CIT: variants seen among roughly 807,000 people sequenced by gnomAD.
The protein encoded by CIT is citron Rho-interacting kinase.
In CIT, 79 loss-of-function variants were observed where a neutral mutation model predicts 272.7. The ratio of observed to expected loss-of-function variants is 0.29; its 90% CI spans 0.24 to 0.35. The LOEUF is 0.35. Ranked by LOEUF, CIT falls within the 10% of genes least tolerant of loss-of-function variation. The probability of loss-of-function intolerance (pLI) is 1.00; values close to 1 mark genes in which losing one functional copy is unlikely to be tolerated. For missense variants in CIT, 1,909 were observed against 2,618.3 expected, an observed-to-expected ratio of 0.73 and a Z score of 5.91; for synonymous variants, 948 against 995.6, an observed-to-expected ratio of 0.95 and a Z score of 0.90.
At chr12:119,835,553 G>A (rs1721686875) in intron 5 of CIT, among the ~76,000 whole-genome samples, 1 of 152,166 alleles carries the variant, frequency 6.6e-6, no homozygotes, top group Middle Eastern at 3.4e-3. Flanking sequence ...AAATGTCTTG[G>A]AAGTTGTCTC....
In CIT at chr12:119,850,223, C is replaced by T; in HGVS notation, c.467G>A (p.Trp156Ter). ...AAAGGCATACTGTAATTGGGGGATC[C>T]ACGGGCTTGTGCTTCGAGATAATAT... ...RNILSRSTSPWIPQLQYAFQD... is the reference protein window; with the variant it reads ...RNILSRSTSP Residue 156 changes from tryptophan (W) to a stop codon, truncating the protein, a stop_gained, in exon 5 of 48, where the codon TGG becomes TAG. Coordinates refer to ENST00000392521, the MANE Select transcript of CIT (RefSeq NM_001206999.2). LOFTEE classifies it high-confidence loss of function. The T allele has an allele frequency of 6.2e-7, 1 of 1,613,536 alleles. No individual in the cohort carries two copies. Among genetic ancestry groups the T allele is most frequent in the Non-Finnish European group, 8.5e-7 (1 of 1,179,764 alleles).
At position 119,686,686 on chromosome 12, in the gene CIT, C is replaced by T. The variant is rs1223904415; in HGVS notation, c.*1546G>A. 6.6e-6 allele frequency: 1 copy of T among 152,330 alleles called. No homozygotes were observed. The highest frequency in any genetic ancestry group is 1.5e-5 in the Non-Finnish European group (1 of 68,066). 9.4% of individuals were successfully genotyped at this position (152,330 alleles called of 1,614,324 possible). ...GCGGGCCTAAGAGTCGTGGAGGACC[C>T]AAAGCAACAGATGCCTTGTGGGAGA... On this transcript the variant is annotated 3_prime_UTR_variant, in exon 48 of 48. Transcript: ENST00000392521.
At position 119,806,299 on chromosome 12, in the gene CIT, T is replaced by A. The variant is rs545154728; in HGVS notation, c.1112-2910A>T. Among the ~76,000 whole-genome samples the A allele has an allele frequency of 3.9e-5, 6 of 152,160 alleles. No individual in the cohort carries two copies. In the East Asian group the frequency reaches 7.7e-4, roughly 20 times the overall value. ...GGAAAGTTTGAAAAGAAGGGCTTCTTAGGGCCACATTCAGGCAGAGGAAAA... is the reference window on the plus strand; with the variant it reads ...GGAAAGTTTGAAAAGAAGGGCTTCTAAGGGCCACATTCAGGCAGAGGAAAA... On this transcript the variant is annotated intron_variant, in intron 9 of 47. Coordinates refer to ENST00000392521, the MANE Select transcript of CIT (RefSeq NM_001206999.2).
At chr12:119,851,629 A>G (rs893698121) in intron 4 of CIT, among the ~76,000 whole-genome samples, 4 of 152,264 alleles carry the variant, frequency 2.6e-5, no homozygotes, top group Admixed American at 2.0e-4. Context: ...TTTAAGTATA[A>G]AACTAGTGAC....
chr12:119,770,708 A>C lies in CIT; in HGVS notation c.2208+77T>G. Reference sequence around the variant, plus strand: ...GATACCTCCCTTATTGTGGCGGTTAATTCTTCTTCTTACCCCCTTCCCTTT... The same window carrying C: ...GATACCTCCCTTATTGTGGCGGTTACTTCTTCTTCTTACCCCCTTCCCTTT... On this transcript the variant is annotated intron_variant, in intron 18 of 47. Transcript: ENST00000392521. The surrounding 1 kb of genome is among the most constrained non-coding windows in gnomAD (Gnocchi z 4.4). 6.4e-7 allele frequency: 1 copy of C among 1,553,254 alleles called. No individual in the cohort carries two copies. Among genetic ancestry groups the C allele is most frequent in the Non-Finnish European group, 8.8e-7 (1 of 1,134,572 alleles).
intron 10 of CIT, among the ~76,000 whole-genome samples, chr12:119,789,901 A>T (rs1348948553): frequency 6.6e-6 from 1 of 151,148 alleles, no homozygotes; most frequent in East Asian, 2.0e-4. Flanking sequence ...ATTCTAGTAC[A>T]GATGGGGTTT....
chr12:119,876,662 A>G (rs1203226373), intron 1 of CIT, among the ~76,000 whole-genome samples: 2 of 152,226 alleles, frequency 1.3e-5, no homozygotes, highest in East Asian at 1.9e-4. Context: ...AGAAGCCACC[A>G]TTTGACCCAA....
intron 9 of CIT, among the ~76,000 whole-genome samples, chr12:119,807,168 C>G (rs1358850224): frequency 6.6e-6 from 1 of 152,176 alleles, no homozygotes; most frequent in African/African-American, 2.4e-5. Context: ...GATTCATGTG[C>G]ACACCACAGT....
rs1956335147 is a variant in CIT, at chr12:119,698,173, C to T, written c.5624-119G>A. ...ATCCTGTGTAAAGCAACTCACCCAA[C>T]AAATACATATCTATGCGCCAGAACA... is the stretch of plus-strand genomic sequence containing the variant. On this transcript the variant is annotated intron_variant, in intron 44 of 47. Transcript: ENST00000392521. The T allele has an allele frequency of 7.2e-6, 6 of 837,400 alleles. No individual in the cohort carries two copies. The Admixed American group carries it at 7.3e-5, about 10-fold the overall frequency. The allele number at this position is 837,400 out of a possible 1,614,324, so 51.9% of individuals were successfully genotyped here. A position where few individuals can be genotyped will look rare whatever the true frequency, so the allele number is the denominator to read the frequency against.
intron 5 of CIT, among the ~76,000 whole-genome samples, chr12:119,849,209 T>C (rs1188528995): frequency 6.6e-6 from 1 of 152,138 alleles, no homozygotes; most frequent in African/African-American, 2.4e-5. Flanking sequence ...GGTGGATCAT[T>C]TGAGGTCAGG....
At chr12:119,818,551 G>A (rs1007908287) in intron 9 of CIT, among the ~76,000 whole-genome samples, 2 of 152,180 alleles carry the variant, frequency 1.3e-5, no homozygotes, top group Non-Finnish European at 2.9e-5. Context: ...CTATCTCAGC[G>A]TTTCATCAGC....
At chr12:119,751,970 G>A in intron 23 of CIT, 80 bp downstream of exon 23, 2 of 1,245,464 alleles carry the variant, frequency 1.6e-6, no homozygotes, top group Admixed American at 2.4e-5. Context: ...CTAAGGGTGA[G>A]CCAGTATACT....
At chr12:119,803,469 T>C in intron 9 of CIT, 80 bp from the exon 10 acceptor site, 1 of 1,064,420 alleles carries the variant, frequency 9.4e-7, no homozygotes, top group Non-Finnish European at 1.3e-6. Context: ...GAGAAGATCG[T>C]CTTACTCCTT....
Position 119,859,377 on chromosome 12 carries a change from A to G in CIT, c.239-1679T>C, listed in dbSNP as rs138517357. Among the ~76,000 whole-genome samples, 48 of 152,360 alleles carry G rather than the reference A, an allele frequency of 3.2e-4. 1 individual carries two copies. Among genetic ancestry groups the G allele is most frequent in the African/African-American group, 1.1e-3 (44 of 41,596 alleles). ...CAGATAAGGTTAGGAGCTACATTCCAGAGTCATACTCAGCCCTGCAAGTGG... is the reference window on the plus strand; with the variant it reads ...CAGATAAGGTTAGGAGCTACATTCCGGAGTCATACTCAGCCCTGCAAGTGG... On this transcript the variant is annotated intron_variant, in intron 3 of 47. Transcript: ENST00000392521.
At chr12:119,862,784 T>C (rs1026716696) in intron 3 of CIT, among the ~76,000 whole-genome samples, 2 of 103,598 alleles carry the variant, frequency 1.9e-5, no homozygotes, top group African/African-American at 7.9e-5. Context: ...CACTCCAGCC[T>C]GGGTGACAGA....
Position 119,784,849 on chromosome 12 carries a change from C to G in CIT, c.1401+111G>C. ...TCAGCGAAGGCAGGAGCGCCTCACT[C>G]TCTACGGATCAGGCGGCTCAGAGCC... is the stretch of plus-strand genomic sequence containing the variant. On this transcript the variant is annotated intron_variant, in intron 11 of 47. Coordinates refer to ENST00000392521, the MANE Select transcript of CIT (RefSeq NM_001206999.2). The surrounding 1 kb of genome is among the most constrained non-coding windows in gnomAD (Gnocchi z 4.7). 5 of 1,488,632 alleles carry G rather than the reference C, an allele frequency of 3.4e-6. No homozygotes were observed. The highest frequency in any genetic ancestry group is 4.5e-6 in the Non-Finnish European group (5 of 1,119,998). 92.2% of individuals were successfully genotyped at this position (1,488,632 alleles called of 1,614,324 possible).
intron 7 of CIT, among the ~76,000 whole-genome samples, chr12:119,826,735 G>T (rs1034796517): frequency 6.6e-6 from 1 of 152,178 alleles, no homozygotes; most frequent in African/African-American, 2.4e-5. Context: ...TGGTACAAAA[G>T]AACTTTTTCC....
chr12:119,856,480 T>C (rs1950173662), intron 4 of CIT, among the ~76,000 whole-genome samples: 1 of 151,984 alleles, frequency 6.6e-6, no homozygotes, highest in Admixed American at 6.6e-5. Flanking sequence ...TCCCACCCAT[T>C]TCCCCCTCCC....
At chr12:119,799,631 C>T (rs1221716808) in intron 10 of CIT, among the ~76,000 whole-genome samples, 1 of 152,170 alleles carries the variant, frequency 6.6e-6, no homozygotes, top group Non-Finnish European at 1.5e-5. Flanking sequence ...CAAATTCCAG[C>T]CCCATCAAGA....
Sources: gnomAD v4.1 joint callset for allele counts (sites outside exome capture counted in the v4.1 genomes callset) on GRCh38, gnomAD v4.1.1 for gene constraint, Gnocchi (gnomAD v3.1) non-coding constraint, MANE v1.5 for transcripts, NCBI Gene and HGNC (gene_info 2026-07-23, HGNC 2026-07-21) for gene names.